The following OCRL variants were observed in gnomAD, a reference collection of about 807,000 sequenced individuals.
The protein encoded by OCRL is inositol polyphosphate 5-phosphatase OCRL.
Under a neutral mutation model 78.9 loss-of-function variants are expected in OCRL, and 8 were observed. The ratio of observed to expected loss-of-function variants is 0.10; its 90% CI spans 0.06 to 0.18. The LOEUF is 0.18. OCRL is among the 10% of genes least tolerant of loss of function. OCRL has a pLI of 1.00. For synonymous variants in OCRL, 240 were observed against 235.4 expected, an observed-to-expected ratio of 1.02 and a Z score of -0.18; for missense variants, 454 against 696.7, an observed-to-expected ratio of 0.65 and a Z score of 3.92.
intron 18 of OCRL, among the ~76,000 whole-genome samples, chrX:129,581,122 C>T (rs1356501177): frequency 8.9e-6 from 1 of 112,847 alleles, no homozygotes; most frequent in African/African-American, 3.2e-5. Context: ...GCCTCAGCTT[C>T]CCAAGGTGCT....
intron 15 of OCRL, 55 bp downstream of exon 15, chrX:129,569,454 G>A: frequency 1.8e-6 from 2 of 1,098,010 alleles, no homozygotes; most frequent in Non-Finnish European, 2.5e-6. Flanking sequence ...AATTACTAGA[G>A]GATTATTTAG....
At chrX:129,587,213 C>T in intron 20 of OCRL, 95 bp downstream of exon 20, 1 of 591,476 alleles carries the variant, frequency 1.7e-6, no homozygotes, top group Non-Finnish European at 3.0e-6. Context: ...TTTTAACTTT[C>T]CCAAGCTACC....
chrX:129,556,865 A>G (rs1267297326), intron 4 of OCRL, among the ~76,000 whole-genome samples: 1 of 112,270 alleles, frequency 8.9e-6, no homozygotes, highest in East Asian at 2.8e-4. Flanking sequence ...GCTTACGGAC[A>G]AACCATCCTA....
At chrX:129,543,981 A>G (rs1045537350) in intron 2 of OCRL, among the ~76,000 whole-genome samples, 42 of 111,367 alleles carry the variant, frequency 3.8e-4, no homozygotes, top group African/African-American at 1.3e-3. Flanking sequence ...TGGAGTGTGT[A>G]AGTGTTCTAT....
At chrX:129,566,454 A>G (rs1053908552) in intron 13 of OCRL, among the ~76,000 whole-genome samples, 23 of 112,723 alleles carry the variant, frequency 2.0e-4, no homozygotes, top group African/African-American at 7.4e-4. Context: ...TAACATTTAC[A>G]TAAAACCTGA....
At position 129,588,962 on chromosome X, in the gene OCRL, G is replaced by C; in HGVS notation, c.2418G>C (p.Glu806Asp). The change falls in exon 22 of 24, where the codon GAG becomes GAC. Residue 806 changes from glutamate (E) to aspartate (D), a missense_variant. Transcript: ENST00000371113. ...TGCCAGAGCCAGTCATCTGTTACGA[G>C]CTGTATCAGCGATGTCTTGACTCTG... ...EALPEPVICY[E>D]LYQRCLDSAY... 8.3e-7 allele frequency: 1 copy of C among 1,211,310 alleles called. No homozygotes were observed. The highest frequency in any genetic ancestry group is 1.1e-6 in the Non-Finnish European group (1 of 895,046).
chrX:129,566,513 G>T (rs1489138442), intron 13 of OCRL, among the ~76,000 whole-genome samples: 1 of 112,689 alleles, frequency 8.9e-6, no homozygotes, highest in Non-Finnish European at 1.9e-5. Context: ...ATTTGCCTCA[G>T]AACCTGGCAT....
At chrX:129,569,436 T>G (rs1225874664) in intron 15 of OCRL, 37 bp downstream of exon 15, 1 of 1,157,985 alleles carries the variant, frequency 8.6e-7, no homozygotes, top group East Asian at 3.0e-5. Flanking sequence ...ATTTGTGTGT[T>G]AAGTATCAAT....
At chrX:129,574,584 T>G (rs1321850131) in intron 15 of OCRL, among the ~76,000 whole-genome samples, 1 of 111,989 alleles carries the variant, frequency 8.9e-6, no homozygotes, top group Admixed American at 9.5e-5. Flanking sequence ...TCTAATAGAG[T>G]TAAAAGCTTT....
chrX:129,555,131 G>A (rs1051741775), intron 4 of OCRL, among the ~76,000 whole-genome samples: 1 of 110,070 alleles, frequency 9.1e-6, no homozygotes, highest in Admixed American at 9.7e-5. Flanking sequence ...CACCTCCAGA[G>A]GTTCTGTTTT....
intron 13 of OCRL, among the ~76,000 whole-genome samples, chrX:129,566,133 A>C (rs953489548): frequency 8.0e-5 from 9 of 112,348 alleles, no homozygotes; most frequent in Non-Finnish European, 1.5e-4. Context: ...TTTATCATTA[A>C]GAGATTTCAG....
chrX:129,540,342 C>A lies in OCRL; in HGVS notation c.-98C>A. On this transcript the variant is annotated 5_prime_UTR_variant, in exon 1 of 24. Coordinates refer to ENST00000371113, the MANE Select transcript of OCRL (RefSeq NM_000276.4). Reference sequence around the variant, plus strand: ...GCCCGGCGCGGAGCTGTTCCTCAAACGACACGCAGCCGAGGTGGGTGGGTG... The same window carrying A: ...GCCCGGCGCGGAGCTGTTCCTCAAAAGACACGCAGCCGAGGTGGGTGGGTG... 1.0e-6 allele frequency: 1 copy of A among 967,410 alleles called. No individual in the cohort carries two copies. The highest frequency in any genetic ancestry group is 1.4e-6 in the Non-Finnish European group (1 of 703,603). The allele number at this position is 967,410 out of a possible 1,213,427, so 79.7% of individuals were successfully genotyped here. A position where few individuals can be genotyped will look rare whatever the true frequency, so the allele number is the denominator to read the frequency against.
rs137884245 is a variant in OCRL, at chrX:129,565,818, G to A, written c.1291G>A (p.Asp431Asn). 351 of 1,207,830 alleles carry A rather than the reference G, an allele frequency of 2.9e-4. No individual in the cohort carries two copies. In the African/African-American group the frequency reaches 5.6e-3, roughly 19 times the overall value. The change falls in exon 13 of 24, where the codon GAT becomes AAT. Residue 431 changes from aspartate (D) to asparagine (N), a missense_variant. This residue lies in a region of OCRL where 277 missense variants were observed against 517.1 expected (regional missense o/e 0.54). Transcript: ENST00000371113. ...TTTGAATTATAGACTTTGCATGCCT[G>A]ATGCCAATGAGGTGAAAAGTCTTAT... is the stretch of plus-strand genomic sequence containing the variant. ...GDLNYRLCMPDANEVKSLINK... is the reference protein window; with the variant it reads ...GDLNYRLCMPNANEVKSLINK...
At position 129,581,701 on chromosome X, in the gene OCRL, TTA is replaced by T. The variant is rs748895748; in HGVS notation, c.2116-2628_2116-2627del. Among the ~76,000 whole-genome samples, 124 of 95,132 alleles carry T rather than the reference TTA, an allele frequency of 1.3e-3. 1 individual carries two copies. Among genetic ancestry groups the T allele is most frequent in the East Asian group, 5.3e-3 (14 of 2,633 alleles). The allele number at this position is 95,132 out of a possible 115,157, so 82.6% of individuals were successfully genotyped here. On this transcript the variant is annotated intron_variant, in intron 18 of 23. Coordinates refer to ENST00000371113, the MANE Select transcript of OCRL (RefSeq NM_000276.4). Reference sequence around the variant, plus strand: ...ATCCTTTAATATATATACTTAGAAATTATATATATATATATACACACACCTGT... The same window carrying T: ...ATCCTTTAATATATATACTTAGAAATTATATATATATATACACACACCTGT...
chrX:129,575,289 TGTGG>T (rs1936354467), intron 16 of OCRL, 39 bp downstream of exon 16: 2 of 904,306 alleles, frequency 2.2e-6, no homozygotes, highest in African/African-American at 3.9e-5. Context: ...TACTGCTCAC[TGTGG>T]TTAGCACAGA....
intron 4 of OCRL, 48 bp downstream of exon 4, chrX:129,548,649 C>G (rs781485154): frequency 3.9e-6 from 4 of 1,029,542 alleles, no homozygotes; most frequent in Non-Finnish European, 5.5e-6. Flanking sequence ...CAAATATTTA[C>G]TTGAACACTC....
chrX:129,575,812 A>T, intron 16 of OCRL, 85 bp from the exon 17 acceptor site: 2 of 1,066,823 alleles, frequency 1.9e-6, no homozygotes, highest in Non-Finnish European at 2.6e-6. Flanking sequence ...CAATTACCTT[A>T]CTCCTCATAT....
chrX:129,576,046 G>A lies in OCRL; in HGVS notation c.1863G>A (p.Glu621=), dbSNP rs1471345171. 13 of 1,209,446 alleles carry A rather than the reference G, an allele frequency of 1.1e-5. No homozygotes were observed. Among genetic ancestry groups the A allele is most frequent in the Non-Finnish European group, 1.3e-5 (12 of 894,977 alleles). ...CATGGCTTCGGGCTGAACCTTTTGAGGGCTACTTGGAGCCAAGTGAGTTTT... is the reference window on the plus strand; with the variant it reads ...CATGGCTTCGGGCTGAACCTTTTGAAGGCTACTTGGAGCCAAGTGAGTTTT... ...CKPWLRAEPF[E]GYLEPNETVD... The change falls in exon 17 of 24, where the codon GAG becomes GAA. Residue 621 remains glutamate, a synonymous_variant. Coordinates refer to ENST00000371113, the MANE Select transcript of OCRL (RefSeq NM_000276.4).
rs760328405 is a variant in OCRL at position 129,560,602 on chromosome X, G to C, written c.775G>C (p.Glu259Gln). ...VNGQSPDSGL[E>Q]PWLNCDPNPP... ...TGGCCAGTCTCCAGATAGCGGGTTA[G>C]AACCTTGGCTGAACTGTGATCCCAA... Residue 259 changes from glutamate (E) to glutamine (Q), a missense_variant, in exon 9 of 24, where the codon GAA (glutamate) becomes CAA (glutamine). By Grantham distance (29) the Glu-to-Gln change is conservative. Coordinates refer to ENST00000371113, the MANE Select transcript of OCRL (RefSeq NM_000276.4). 2 of 1,205,597 alleles carry C rather than the reference G, an allele frequency of 1.7e-6. No homozygotes were observed. Among genetic ancestry groups the C allele is most frequent in the Non-Finnish European group, 1.1e-6 (1 of 890,108 alleles).
Sources: allele counts gnomAD v4.1 joint callset (sites outside exome capture counted in the v4.1 genomes callset), GRCh38; gene constraint gnomAD v4.1.1; regional missense constraint gnomAD v4.1.1; transcripts MANE v1.5; gene names NCBI Gene and HGNC (gene_info 2026-07-23, HGNC 2026-07-21).